Variants in CCDC7 observed in about 807,000 individuals in gnomAD.
CCDC7 encodes coiled-coil domain containing 7, also known as coiled-coil domain-containing protein 7.
A neutral mutation model predicts 196.9 loss-of-function variants in CCDC7; 183 were observed. The ratio of observed to expected loss-of-function variants is 0.93; its 90% CI spans 0.82 to 1.05. The LOEUF is 1.05. Among genes scored for constraint, CCDC7 ranks in the 50% least tolerant of loss-of-function variants. The pLI is 0.00. For synonymous variants in CCDC7, 525 were observed against 484.6 expected, an observed-to-expected ratio of 1.08 and a Z score of -1.10; for missense variants, 1,540 against 1,482.2, an observed-to-expected ratio of 1.04 and a Z score of -0.64.
chr10:32,833,333 A>G (rs999289337), intron 32 of CCDC7, among the ~76,000 whole-genome samples: 4 of 134,864 alleles, frequency 3.0e-5, no homozygotes, highest in Non-Finnish European at 6.4e-5. Flanking sequence ...GGCAAATTGT[A>G]TGATATATTA....
intron 20 of CCDC7, among the ~76,000 whole-genome samples, chr10:32,639,432 T>C (rs1165955643): frequency 1.3e-5 from 2 of 152,234 alleles, no homozygotes; most frequent in Non-Finnish European, 2.9e-5. Context: ...TGGTATGTTG[T>C]GTCTTTGTTC....
intron 18 of CCDC7, among the ~76,000 whole-genome samples, chr10:32,602,985 A>G (rs1473563488): frequency 6.6e-6 from 1 of 152,134 alleles, no homozygotes; most frequent in African/African-American, 2.4e-5. Flanking sequence ...TTTATGGGCT[A>G]TTTTGAAATA....
chr10:32,804,951 ACC>A (rs1442189825), intron 29 of CCDC7, 62 bp from the exon 31 acceptor site: 20 of 845,442 alleles, frequency 2.4e-5, no homozygotes, highest in East Asian at 1.5e-4. Context: ...ACACACACAC[ACC>A]CCTCACATTC....
chr10:32,543,494 A>C (rs1167949488), intron 12 of CCDC7, 109 bp downstream of exon 13: 1 of 1,068,188 alleles, frequency 9.4e-7, no homozygotes, highest in Non-Finnish European at 1.2e-6. Context: ...AATCTTTTAA[A>C]AACATAAAAT....
intron 32 of CCDC7, among the ~76,000 whole-genome samples, chr10:32,825,425 T>C (rs889266633): frequency 1.6e-4 from 24 of 152,188 alleles, no homozygotes; most frequent in African/African-American, 5.3e-4. Flanking sequence ...GTGAAAAGAC[T>C]AGACTGGCCT....
intron 28 of CCDC7, among the ~76,000 whole-genome samples, chr10:32,768,837 G>A (rs973010804): frequency 6.6e-6 from 1 of 151,902 alleles, no homozygotes; most frequent in Non-Finnish European, 1.5e-5. Flanking sequence ...TGCATATATT[G>A]AACCATCCTT....
rs185234924 is a variant in CCDC7 at position 32,648,972 on chromosome 10, C to T, written c.2014+13814C>T. ...TACATATATTCCATGGAATACTATG[C>T]AGTCATAAAAAGGAACCAGATCATG... On this transcript the variant is annotated intron_variant, in intron 20 of 41. Transcript: ENST00000639629. 1.8e-4 allele frequency among the ~76,000 whole-genome samples: 27 copies of T among 152,258 alleles called. No individual in the cohort carries two copies. The East Asian group carries it at 4.4e-3, about 25-fold the overall frequency.
At chr10:32,676,645 A>T (rs2075029991) in intron 21 of CCDC7, among the ~76,000 whole-genome samples, 1 of 152,156 alleles carries the variant, frequency 6.6e-6, no homozygotes, top group Non-Finnish European at 1.5e-5. Flanking sequence ...GCCATCAGAG[A>T]AATGCAAATC....
chr10:32,529,985 A>G (rs1228156640), intron 11 of CCDC7, among the ~76,000 whole-genome samples: 1 of 152,162 alleles, frequency 6.6e-6, no homozygotes, highest in African/African-American at 2.4e-5. Context: ...ATTCTCTTAC[A>G]TGAGGCTTGC....
intron 28 of CCDC7, among the ~76,000 whole-genome samples, chr10:32,753,470 T>C (rs1467757318): frequency 2.0e-5 from 3 of 152,156 alleles, no homozygotes; most frequent in Non-Finnish European, 4.4e-5. Flanking sequence ...GAAATACTAC[T>C]ACTATTACTA....
At chr10:32,521,919 G>A (rs2047941516) in intron 11 of CCDC7, among the ~76,000 whole-genome samples, 1 of 152,126 alleles carries the variant, frequency 6.6e-6, no homozygotes, top group Admixed American at 6.5e-5. Flanking sequence ...AAGGGATGTT[G>A]AACTTTATCA....
Position 32,847,829 on chromosome 10 carries a change from A to C in CCDC7, c.3689-4A>C. 4 of 1,592,794 alleles carry C rather than the reference A, an allele frequency of 2.5e-6. No homozygotes were observed. The highest frequency in any genetic ancestry group is 1.4e-5 in the African/African-American group (1 of 74,042). On this transcript the variant is annotated splice_region_variant and splice_polypyrimidine_tract_variant and intron_variant, in intron 37 of 41. Transcript: ENST00000639629. ...GTGTTTTGAAATGTGTTTTATGTCT[A>C]TAGAGACTGATGTAGAACCCTTGAC... is the stretch of plus-strand genomic sequence containing the variant.
intron 13 of CCDC7, among the ~76,000 whole-genome samples, chr10:32,554,086 G>T (rs1309266684): frequency 6.6e-6 from 1 of 152,202 alleles, no homozygotes; most frequent in Non-Finnish European, 1.5e-5. Context: ...CATGCAGGTT[G>T]TCAGAGTTGT....
intron 28 of CCDC7, among the ~76,000 whole-genome samples, chr10:32,733,952 A>G (rs2084413595): frequency 6.6e-6 from 1 of 152,154 alleles, no homozygotes; most frequent in Non-Finnish European, 1.5e-5. Flanking sequence ...AGTTGTGGAG[A>G]AAAGAGAACA....
chr10:32,574,683 T>C (rs763737369), intron 16 of CCDC7: 18 of 290,584 alleles, frequency 6.2e-5, no homozygotes, highest in Non-Finnish European at 8.0e-5. Flanking sequence ...TTAAATGTTT[T>C]GTGGCATTGA....
chr10:32,706,247 A>C (rs949092286), intron 24 of CCDC7, among the ~76,000 whole-genome samples: 1 of 152,154 alleles, frequency 6.6e-6, no homozygotes, highest in Non-Finnish European at 1.5e-5. Flanking sequence ...TGAAGGCAGA[A>C]ATAAATATGT....
intron 21 of CCDC7, among the ~76,000 whole-genome samples, chr10:32,672,701 C>T (rs2074274922): frequency 6.6e-6 from 1 of 152,084 alleles, no homozygotes; most frequent in South Asian, 2.1e-4. Flanking sequence ...TGGCTGATGC[C>T]CATAGCCTCC....
At position 32,834,869 on chromosome 10, in the gene CCDC7, TA is replaced by T; in HGVS notation, c.3325del (p.Ile1109SerfsTer16). 6.9e-7 allele frequency: 1 copy of T among 1,452,172 alleles called. No individual in the cohort carries two copies. Among genetic ancestry groups the T allele is most frequent in the Non-Finnish European group, 9.6e-7 (1 of 1,039,112 alleles). The allele number at this position is 1,452,172 out of a possible 1,614,324, so 90.0% of individuals were successfully genotyped here. On this transcript the variant is annotated frameshift_variant, in exon 33 of 42. Transcript: ENST00000639629. LOFTEE classifies it high-confidence loss of function. Reference sequence around the variant, plus strand: ...AATGGAAAAGATATAATAAAGCATCTAATCAACATACAGTCAAAGAGTCATG... The same window carrying T: ...AATGGAAAAGATATAATAAAGCATCTATCAACATACAGTCAAAGAGTCATG...
intron 19 of CCDC7, 67 bp downstream of exon 20, chr10:32,634,431 C>A: frequency 7.5e-6 from 5 of 668,620 alleles, no homozygotes; most frequent in Non-Finnish European, 8.3e-6. Context: ...GAGTCTCGCC[C>A]TGTCACCCAG....
Sources: allele counts gnomAD v4.1 joint callset (sites outside exome capture counted in the v4.1 genomes callset), GRCh38; gene constraint gnomAD v4.1.1; transcripts MANE v1.5; gene names NCBI Gene and HGNC (gene_info 2026-07-23, HGNC 2026-07-21).